Variants in MCF2 observed in about 807,000 individuals in gnomAD.
The protein encoded by MCF2 is proto-oncogene DBL.
MCF2 carries 44 observed loss-of-function variants against 82.5 expected under a neutral mutation model. The observed-to-expected ratio is 0.53, with a 90% CI of 0.42 to 0.69. MCF2 has a LOEUF of 0.69. Ranked by LOEUF, MCF2 falls within the 30% of genes least tolerant of loss-of-function variation. MCF2 has a pLI of 0.00. For missense variants in MCF2, 623 were observed against 663.1 expected, an observed-to-expected ratio of 0.94 and a Z score of 0.66; for synonymous variants, 217 against 224.9, an observed-to-expected ratio of 0.96 and a Z score of 0.32.
chrX:139,617,616 C>T (rs1308827831), exon 8 of MCF2: 3 of 1,203,476 alleles, frequency 2.5e-6, no homozygotes, highest in African/African-American at 3.5e-5. Context: ...CTCATTGCAC[C>T]TCTGGCAGAT....
intron 10 of MCF2, 141 bp downstream of exon 13, chrX:139,614,740 T>G (rs1265431688): frequency 1.3e-5 from 7 of 554,283 alleles, no homozygotes; most frequent in Non-Finnish European, 2.0e-5. Flanking sequence ...ACTCTTGCCT[T>G]GCACAATATA....
chrX:139,608,448 C>T (rs772946170), intron 11 of MCF2, among the ~76,000 whole-genome samples: 14 of 111,448 alleles, frequency 1.3e-4, no homozygotes, highest in African/African-American at 2.0e-4. Flanking sequence ...CTCTAAAGGA[C>T]TTGGACTGGC....
chrX:139,650,467 G>T (rs187372809), intron 2 of MCF2, among the ~76,000 whole-genome samples: 24 of 108,979 alleles, frequency 2.2e-4, no homozygotes, highest in Non-Finnish European at 3.8e-4. Context: ...CCATTTTTCA[G>T]AGAATTAATT....
chrX:139,617,116 G>A (rs753100893), intron 8 of MCF2, among the ~76,000 whole-genome samples: 2 of 111,187 alleles, frequency 1.8e-5, no homozygotes, highest in Admixed American at 1.9e-4. Context: ...ACTATGAAAT[G>A]TGAAAGGAGT....
At chrX:139,624,572 G>A (rs1223809487) in intron 6 of MCF2, among the ~76,000 whole-genome samples, 1 of 108,976 alleles carries the variant, frequency 9.2e-6, no homozygotes, top group Non-Finnish European at 1.9e-5. Flanking sequence ...AAATGTCAGA[G>A]TCATAAAAGA....
upstream of MCF2, among the ~76,000 whole-genome samples, chrX:139,646,343 T>G (rs756436470): frequency 1.8e-5 from 2 of 111,798 alleles, no homozygotes; most frequent in South Asian, 7.5e-4. Flanking sequence ...TTTAAAGCAT[T>G]CTAGTTCCAA....
rs946033420 is a variant in MCF2 at position 139,701,546 on chromosome X, T to C, written c.-45+6560A>G. 2.7e-5 allele frequency among the ~76,000 whole-genome samples: 3 copies of C among 111,813 alleles called. No homozygotes were observed. The Admixed American group carries it at 2.8e-4, about 11-fold the overall frequency. On this transcript the variant is annotated intron_variant, in intron 1 of 27. Transcript: ENST00000414978. ...TGAAGTGCCAACTCCTGCCTGAGAATTTCCAGCCTGCTGGCCTGCTTTATA... is the reference window on the plus strand; with the variant it reads ...TGAAGTGCCAACTCCTGCCTGAGAACTTCCAGCCTGCTGGCCTGCTTTATA...
Position 139,587,779 on chromosome X carries a change from CT to C in MCF2, c.2458del (p.Arg820GlufsTer7). ...TTCTGTTAATTGATCCTGTTGCTTT[CT>C]TTTTTTAACTGAGAAATAAAACAAA... is the stretch of plus-strand genomic sequence containing the variant. On this transcript the variant is annotated frameshift_variant, in exon 22 of 25. Transcript: ENST00000370576. LOFTEE classifies it high-confidence loss of function. The C allele has an allele frequency of 1.7e-6, 2 of 1,169,118 alleles. No homozygotes were observed. The highest frequency in any genetic ancestry group is 1.2e-6 in the Non-Finnish European group (1 of 859,635).
intron 1 of MCF2, 83 bp downstream of exon 1, chrX:139,708,023 C>T (rs999509882): frequency 1.8e-5 from 2 of 111,349 alleles, no homozygotes; most frequent in African/African-American, 3.3e-5. Flanking sequence ...ATGGGGGATG[C>T]TATCTATAAA....
rs777141566 is a variant in MCF2, at chrX:139,688,486, T to A, written c.-45+19620A>T. On this transcript the variant is annotated intron_variant, in intron 1 of 27. Coordinates refer to the MCF2 transcript ENST00000414978. Reference sequence around the variant, plus strand: ...CCATCATCATTGAAATAAATCTTCATACCATACTGGAATGCACACTGAATA... The same window carrying A: ...CCATCATCATTGAAATAAATCTTCAAACCATACTGGAATGCACACTGAATA... 5.4e-5 allele frequency among the ~76,000 whole-genome samples: 6 copies of A among 111,833 alleles called. No individual in the cohort carries two copies. The South Asian group carries it at 2.3e-3, about 42-fold the overall frequency.
chrX:139,638,788 T>C (rs1933386780), intron 1 of MCF2, among the ~76,000 whole-genome samples: 1 of 111,846 alleles, frequency 8.9e-6, no homozygotes, highest in Non-Finnish European at 1.9e-5. Flanking sequence ...ATATCAATAA[T>C]ATGGACACGT....
chrX:139,605,751 C>T, exon 13 of MCF2: 1 of 1,198,296 alleles, frequency 8.3e-7, no homozygotes, highest in African/African-American at 1.7e-5. Context: ...TAAACTCTCT[C>T]AGTCTGTATC....
In MCF2 at chrX:139,604,985, C is replaced by G; in HGVS notation, c.1558-1G>C. On this transcript the variant is annotated splice_acceptor_variant, in intron 13 of 24. Transcript: ENST00000370576. LOFTEE classifies it high-confidence loss of function. The stretch of plus-strand genomic sequence containing the variant: ...GATTATCCATCTCCGCTCTATAACC[C>G]TACCCAAAATAAATACATTCATGCA... 9.5e-7 allele frequency: 1 copy of G among 1,055,206 alleles called. No individual in the cohort carries two copies. Among genetic ancestry groups the G allele is most frequent in the Non-Finnish European group, 1.3e-6 (1 of 776,127 alleles). The allele number at this position is 1,055,206 out of a possible 1,213,427, so 87.0% of individuals were successfully genotyped here. A position where few individuals can be genotyped will look rare whatever the true frequency, so the allele number is the denominator to read the frequency against.
chrX:139,582,919 T>C (rs145608092), intron 24 of MCF2, among the ~76,000 whole-genome samples: 4 of 112,086 alleles, frequency 3.6e-5, no homozygotes, highest in African/African-American at 1.3e-4. Context: ...CCAGCTAACA[T>C]TAATTAAAGA....
intron 1 of MCF2, among the ~76,000 whole-genome samples, chrX:139,697,267 G>A (rs1356755945): frequency 4.5e-5 from 5 of 111,985 alleles, no homozygotes; most frequent in African/African-American, 1.6e-4. Flanking sequence ...ACCTAAGGCC[G>A]CAAAGACAGG....
At chrX:139,631,490 T>G (rs757547723) in exon 3 of MCF2, 2 of 1,197,774 alleles carry the variant, frequency 1.7e-6, no homozygotes, top group Admixed American at 4.4e-5. Context: ...AGCAAATCAC[T>G]AACTGAGCTC....
chrX:139,651,863 C>G, intron 1 of MCF2, 75 bp from the exon 2 acceptor site: 1 of 595,321 alleles, frequency 1.7e-6, no homozygotes, highest in Non-Finnish European at 2.7e-6. Context: ...CACATGATTT[C>G]TCACTGTGTC....
chrX:139,632,379 T>C (rs780478403), exon 2 of MCF2: 12 of 1,200,245 alleles, frequency 1.0e-5, no homozygotes, highest in African/African-American at 1.7e-5. Context: ...CAAAATCCAA[T>C]GTCTGTGAAC....
At chrX:139,693,483 AACACAC>A (rs67506907) in intron 1 of MCF2, among the ~76,000 whole-genome samples, 50 of 98,182 alleles carry the variant, frequency 5.1e-4, no homozygotes, top group South Asian at 1.1e-3. Flanking sequence ...GTAGGGGAGG[AACACAC>A]ACACACACAC....
Sources: allele counts gnomAD v4.1 joint callset (sites outside exome capture counted in the v4.1 genomes callset), GRCh38; gene constraint gnomAD v4.1.1; transcripts MANE v1.5; gene names NCBI Gene and HGNC (gene_info 2026-07-23, HGNC 2026-07-21).